Variants in RALYL observed in about 807,000 individuals in gnomAD.
RALYL encodes RALY RNA binding protein like.
In RALYL, 29 loss-of-function variants were observed where a neutral mutation model predicts 35.1. That is an observed-to-expected ratio of 0.83 (90% confidence interval 0.61 to 1.13). RALYL has a LOEUF of 1.13. Among genes scored for constraint, RALYL ranks in the 50% most tolerant of loss-of-function variants. RALYL has a pLI of 0.00. For synonymous variants in RALYL, 120 were observed against 127.6 expected, an observed-to-expected ratio of 0.94 and a Z score of 0.40; for missense variants, 359 against 360.4, an observed-to-expected ratio of 1.00 and a Z score of 0.03.
chr8:84,496,308 A>G (rs2056012067), intron 1 of RALYL, among the ~76,000 whole-genome samples: 1 of 152,200 alleles, frequency 6.6e-6, no homozygotes, highest in African/African-American at 2.4e-5. Context: ...ACAAATAAAT[A>G]TGAAATATCA....
intron 1 of RALYL, among the ~76,000 whole-genome samples, chr8:84,406,449 G>GA (rs1198423447): frequency 6.6e-6 from 1 of 151,608 alleles, no homozygotes; most frequent in African/African-American, 2.4e-5. Flanking sequence ...AATAAATGGA[G>GA]AAAAAACCCT....
At chr8:84,326,697 T>G (rs527725626) in intron 1 of RALYL, among the ~76,000 whole-genome samples, 52 of 152,316 alleles carry the variant, frequency 3.4e-4, no homozygotes, top group African/African-American at 1.2e-3. Context: ...TTAAGTATAT[T>G]TTTATATAAC....
chr8:84,434,912 T>C (rs1042200283), intron 1 of RALYL, among the ~76,000 whole-genome samples: 1 of 152,174 alleles, frequency 6.6e-6, no homozygotes, highest in African/African-American at 2.4e-5. Flanking sequence ...GATTTGAATA[T>C]AGTAATCCCT....
At chr8:84,652,512 GT>G (rs1564313325) in intron 2 of RALYL, among the ~76,000 whole-genome samples, 3 of 152,012 alleles carry the variant, frequency 2.0e-5, no homozygotes, top group Admixed American at 2.0e-4. Flanking sequence ...TTTACAACAA[GT>G]GAACATATTT....
chr8:84,763,379 G>T (rs1430162139), intron 2 of RALYL, among the ~76,000 whole-genome samples: 1 of 152,146 alleles, frequency 6.6e-6, no homozygotes, highest in African/African-American at 2.4e-5. Context: ...TTGTCCTCAA[G>T]TATGAAACTA....
intron 8 of RALYL, among the ~76,000 whole-genome samples, chr8:84,913,044 A>G (rs6999133): frequency 0.083 from 4,103 of 49,302 alleles, 113 homozygotes; most frequent in African/African-American, 0.12. Context: ...AGGTAGGTAG[A>G]TAGATAGATA....
intron 2 of RALYL, among the ~76,000 whole-genome samples, chr8:84,557,945 G>C (rs1363812334): frequency 6.6e-6 from 1 of 152,132 alleles, no homozygotes; most frequent in Non-Finnish European, 1.5e-5. Flanking sequence ...AGAACCTGAA[G>C]CATACAAGTA....
intron 2 of RALYL, among the ~76,000 whole-genome samples, chr8:84,679,999 C>T (rs867419776): frequency 2.0e-4 from 30 of 151,998 alleles, no homozygotes; most frequent in Non-Finnish European, 3.4e-4. Context: ...TATCCCTCCC[C>T]ACTCCCCCCA....
intron 1 of RALYL, among the ~76,000 whole-genome samples, chr8:84,261,348 G>A (rs1326978412): frequency 6.6e-6 from 1 of 152,200 alleles, no homozygotes; most frequent in Non-Finnish European, 1.5e-5. Flanking sequence ...ACCAGGTGGA[G>A]ATAATAGAAT....
chr8:84,713,869 A>G (rs2132513531), intron 2 of RALYL, among the ~76,000 whole-genome samples: 1 of 151,408 alleles, frequency 6.6e-6, no homozygotes, highest in African/African-American at 2.4e-5. Flanking sequence ...TATATGATAT[A>G]TATATATCTC....
At chr8:84,776,043 GTGT>G (rs1164730614) in intron 3 of RALYL, among the ~76,000 whole-genome samples, 3 of 152,190 alleles carry the variant, frequency 2.0e-5, no homozygotes, top group Non-Finnish European at 4.4e-5. Context: ...TAACATAAAA[GTGT>G]TGAGCAAGGC....
chr8:84,325,201 T>C (rs1019424268), intron 1 of RALYL, among the ~76,000 whole-genome samples: 5 of 152,206 alleles, frequency 3.3e-5, no homozygotes, highest in Non-Finnish European at 7.3e-5. Context: ...TCTCAGATAC[T>C]GTATTCAAAA....
intron 1 of RALYL, among the ~76,000 whole-genome samples, chr8:84,310,064 C>A (rs547426167): frequency 6.2e-4 from 92 of 147,858 alleles, no homozygotes; most frequent in Non-Finnish European, 1.2e-3. Context: ...TTTTCTTTTT[C>A]TTGAGACAGA....
At chr8:84,516,444 T>C (rs999104119) in intron 1 of RALYL, among the ~76,000 whole-genome samples, 1 of 151,954 alleles carries the variant, frequency 6.6e-6, no homozygotes, top group Admixed American at 6.6e-5. Flanking sequence ...TTGTGGCTCG[T>C]TTTTAGAGCT....
intron 1 of RALYL, among the ~76,000 whole-genome samples, chr8:84,212,625 A>C (rs1021515195): frequency 2.0e-5 from 3 of 152,164 alleles, no homozygotes; most frequent in African/African-American, 7.2e-5. Flanking sequence ...GAATATCTGG[A>C]GCTGTAGGTG....
chr8:84,360,962 GAAA>G (rs61694143), intron 1 of RALYL, among the ~76,000 whole-genome samples: 196 of 98,338 alleles, frequency 2.0e-3, no homozygotes, highest in African/African-American at 6.4e-3. Flanking sequence ...ATGCAGTAAA[GAAA>G]AAAAAAAAAA....
chr8:84,405,114 A>G (rs569291606), intron 1 of RALYL, among the ~76,000 whole-genome samples: 3 of 152,288 alleles, frequency 2.0e-5, no homozygotes, highest in Non-Finnish European at 4.4e-5. Flanking sequence ...CTGAATGACT[A>G]CTGGGTAAAT....
chr8:84,542,281 C>A (rs369235264), intron 2 of RALYL, among the ~76,000 whole-genome samples: 3 of 152,182 alleles, frequency 2.0e-5, no homozygotes, highest in East Asian at 1.9e-4. Flanking sequence ...AATTCCAAAT[C>A]TCAGATTACA....
intron 1 of RALYL, among the ~76,000 whole-genome samples, chr8:84,424,771 C>G (rs373679349): frequency 1.6e-4 from 24 of 152,070 alleles, no homozygotes; most frequent in Non-Finnish European, 3.2e-4. Flanking sequence ...TTGTAACAGA[C>G]AGGACCCTCA....
Sources: allele counts gnomAD v4.1 joint callset (sites outside exome capture counted in the v4.1 genomes callset), GRCh38; gene constraint gnomAD v4.1.1; transcripts MANE v1.5; gene names NCBI Gene and HGNC (gene_info 2026-07-23, HGNC 2026-07-21).